RRAS2: variants seen among roughly 807,000 people sequenced by gnomAD.
RRAS2 encodes the protein RAS related 2.
Under a neutral mutation model 27.6 loss-of-function variants are expected in RRAS2, and 7 were observed. The ratio of observed to expected loss-of-function variants is 0.25; its 90% CI spans 0.14 to 0.48. RRAS2 has a LOEUF of 0.48. Ranked by LOEUF, RRAS2 falls within the 20% of genes least tolerant of loss-of-function variation. The pLI, the probability that RRAS2 is intolerant of heterozygous loss-of-function variation, is 0.99. For synonymous variants in RRAS2, 86 were observed against 90.9 expected (o/e 0.95, Z 0.31); for missense variants, 178 against 256.2 (o/e 0.69, Z 2.08).
chr11:14,300,555 G>T (rs1357729849), intron 1 of RRAS2, among the ~76,000 whole-genome samples: 3 of 152,098 alleles, frequency 2.0e-5, no homozygotes, highest in African/African-American at 7.2e-5. Context: ...ACTCCAGCCT[G>T]AGCAACAAAG....
intron 1 of RRAS2, among the ~76,000 whole-genome samples, chr11:14,307,565 T>G (rs1349998529): frequency 1.3e-5 from 2 of 151,980 alleles, no homozygotes; most frequent in Non-Finnish European, 2.9e-5. Context: ...CCATTGAGGC[T>G]CAGCAGTTAA....
rs371119613 is a variant in RRAS2 at position 14,300,923 on chromosome 11, C to A, written c.109-5068G>T. Among the ~76,000 whole-genome samples the A allele has an allele frequency of 4.6e-4, 70 of 152,188 alleles. 1 individual carries two copies. Among genetic ancestry groups the A allele is most frequent in the South Asian group, 3.9e-3 (19 of 4,818 alleles). ...CCACAGAGTGGTGCCTGGTCTACAC[C>A]CTGGGACTGGTAATTTACTGGAAAT... On this transcript the variant is annotated intron_variant, in intron 1 of 5. Coordinates refer to ENST00000256196, the MANE Select transcript of RRAS2 (RefSeq NM_012250.6).
intron 1 of RRAS2, among the ~76,000 whole-genome samples, chr11:14,335,699 G>A (rs187116514): frequency 8.5e-5 from 13 of 152,288 alleles, no homozygotes; most frequent in African/African-American, 1.7e-4. Context: ...CTGAAAGTTT[G>A]AGGGAAGGCA....
intron 1 of RRAS2, among the ~76,000 whole-genome samples, chr11:14,353,693 CAAAGAG>C (rs1564985226): frequency 6.6e-6 from 1 of 151,164 alleles, no homozygotes; most frequent in African/African-American, 2.4e-5. Context: ...GAGACAGACA[CAAAGAG>C]AAAGAGAATG....
At chr11:14,350,417 T>C (rs1298381746) in intron 1 of RRAS2, among the ~76,000 whole-genome samples, 1 of 152,158 alleles carries the variant, frequency 6.6e-6, no homozygotes, top group Non-Finnish European at 1.5e-5. Context: ...ACTGGCTTGC[T>C]TCCTCTCACC....
intron 4 of RRAS2, among the ~76,000 whole-genome samples, chr11:14,282,565 G>T (rs1554944489): frequency 6.6e-6 from 1 of 151,852 alleles, no homozygotes; most frequent in Admixed American, 6.6e-5. Flanking sequence ...TTATATAGTG[G>T]GGCTTAAAAT....
At chr11:14,289,633 C>A (rs1163446225) in intron 4 of RRAS2, among the ~76,000 whole-genome samples, 3 of 152,156 alleles carry the variant, frequency 2.0e-5, no homozygotes, top group African/African-American at 7.2e-5. Context: ...TTTTATCTCA[C>A]GTAAACCTCA....
At chr11:14,294,652 A>C in intron 3 of RRAS2, 73 bp from the exon 4 acceptor site, 1 of 1,450,376 alleles carries the variant, frequency 6.9e-7, no homozygotes, top group Non-Finnish European at 9.5e-7. Context: ...CTCATGCCCC[A>C]ATTAGTACTT....
At chr11:14,299,097 T>C (rs1847630071) in intron 1 of RRAS2, among the ~76,000 whole-genome samples, 1 of 152,148 alleles carries the variant, frequency 6.6e-6, no homozygotes, top group African/African-American at 2.4e-5. Context: ...GCAGGTAAAA[T>C]GAAATAATGC....
chr11:14,323,501 A>G (rs1236747854), intron 1 of RRAS2, among the ~76,000 whole-genome samples: 1 of 152,066 alleles, frequency 6.6e-6, no homozygotes, highest in African/African-American at 2.4e-5. Context: ...CACTATGACT[A>G]ATAAAGGAAG....
intron 4 of RRAS2, among the ~76,000 whole-genome samples, chr11:14,291,538 C>A (rs560299688): frequency 6.6e-6 from 1 of 152,062 alleles, no homozygotes; most frequent in Non-Finnish European, 1.5e-5. Context: ...TAATTTATGT[C>A]TATTTATATG....
chr11:14,331,221 C>T (rs1395183802), intron 1 of RRAS2, among the ~76,000 whole-genome samples: 1 of 152,142 alleles, frequency 6.6e-6, no homozygotes, highest in Non-Finnish European at 1.5e-5. Flanking sequence ...AAACAAGAAA[C>T]ACAACACCCA....
intron 1 of RRAS2, among the ~76,000 whole-genome samples, chr11:14,304,689 G>T (rs1847793174): frequency 6.6e-6 from 1 of 152,196 alleles, no homozygotes; most frequent in Non-Finnish European, 1.5e-5. Context: ...ATTTCCCCAA[G>T]CACAATAAGG....
intron 1 of RRAS2, among the ~76,000 whole-genome samples, chr11:14,331,525 T>C (rs1036858366): frequency 6.6e-6 from 1 of 152,096 alleles, no homozygotes; most frequent in Non-Finnish European, 1.5e-5. Flanking sequence ...ACTGTGTTCA[T>C]TTTGTTTGAA....
At chr11:14,334,573 C>T (rs886082531) in intron 1 of RRAS2, among the ~76,000 whole-genome samples, 3 of 151,784 alleles carry the variant, frequency 2.0e-5, no homozygotes, top group African/African-American at 7.3e-5. Context: ...ATGGATTAGT[C>T]TGTCTCCTAC....
At position 14,294,860 on chromosome 11, in the gene RRAS2, A is replaced by G; in HGVS notation, c.199T>C (p.Leu67=). 2 of 1,612,644 alleles carry G rather than the reference A, an allele frequency of 1.2e-6. No individual in the cohort carries two copies. The highest frequency in any genetic ancestry group is 2.2e-5 in the South Asian group (2 of 90,960). ...IDDRAARLDI[L]DTAGQEEFGA... ...AACTCTTCTTGTCCTGCTGTATCCA[A>G]AACTAAAGAAAAAACAACAAATGTA... Residue 67 remains leucine, a splice_region_variant and synonymous_variant, in exon 3 of 6, where the codon TTG becomes CTG. Coordinates refer to ENST00000256196, the MANE Select transcript of RRAS2 (RefSeq NM_012250.6).
chr11:14,280,726 C>CAAAAAAAAAAAAAAAAAAAAAAAAA (rs58781581), intron 5 of RRAS2, among the ~76,000 whole-genome samples: 1 of 48,330 alleles, frequency 2.1e-5, no homozygotes, highest in Admixed American at 3.3e-4. Flanking sequence ...ACTCTGTTTC[C>CAAAAAAAAAAAAAAAAAAAAAAAAA]AAAAAAAAAA....
At chr11:14,336,125 G>A (rs531292521) in intron 1 of RRAS2, among the ~76,000 whole-genome samples, 2 of 152,292 alleles carry the variant, frequency 1.3e-5, no homozygotes, top group African/African-American at 4.8e-5. Flanking sequence ...TCCCAGCAGT[G>A]TCAATGGACT....
At chr11:14,295,625 T>C (rs1847524121) in intron 2 of RRAS2, 143 bp downstream of exon 2, 1 of 578,750 alleles carries the variant, frequency 1.7e-6, no homozygotes, top group Admixed American at 3.0e-5. Context: ...TGCAGACTCT[T>C]CAATCAAAAC....
Sources: gnomAD v4.1 joint callset for allele counts (sites outside exome capture counted in the v4.1 genomes callset) on GRCh38, gnomAD v4.1.1 for gene constraint, MANE v1.5 for transcripts, NCBI Gene and HGNC (gene_info 2026-07-23, HGNC 2026-07-21) for gene names.